The following LRRC7 variants were observed in gnomAD, a reference collection of about 807,000 sequenced individuals.
LRRC7 encodes leucine-rich repeat-containing protein 7.
A neutral mutation model predicts 175.7 loss-of-function variants in LRRC7; 23 were observed. The ratio of observed to expected loss-of-function variants is 0.13; its 90% CI spans 0.09 to 0.19. The LOEUF is 0.19. Among genes scored for constraint, LRRC7 ranks in the 10% least tolerant of loss-of-function variants. The probability of loss-of-function intolerance (pLI) is 1.00; values close to 1 mark genes in which losing one functional copy is unlikely to be tolerated. For missense variants in LRRC7, 1,354 were observed against 1,904.7 expected (o/e 0.71, Z 5.38); for synonymous variants, 685 against 680.9 (o/e 1.01, Z -0.09).
chr1:69,895,309 A>T (rs1645949176), intron 7 of LRRC7, among the ~76,000 whole-genome samples: 1 of 152,184 alleles, frequency 6.6e-6, no homozygotes, highest in African/African-American at 2.4e-5. Context: ...CACACACAAA[A>T]ACCCAGAAAA....
intron 1 of LRRC7, among the ~76,000 whole-genome samples, chr1:69,633,802 G>A (rs949664540): frequency 5.9e-5 from 9 of 152,062 alleles, no homozygotes; most frequent in Non-Finnish European, 8.8e-5. Context: ...TTAATCTAGG[G>A]CCTGCCATGG....
intron 2 of LRRC7, among the ~76,000 whole-genome samples, chr1:69,750,093 T>TAAATAAATAAAA (rs139997047): frequency 1.4e-5 from 2 of 142,202 alleles, no homozygotes; most frequent in Non-Finnish European, 3.0e-5. Flanking sequence ...AATAAATAAA[T>TAAATAAATAAAA]AATAATAACT....
chr1:70,020,877 TTTTC>T (rs953417381), intron 15 of LRRC7, 124 bp from the exon 16 acceptor site: 49 of 648,538 alleles, frequency 7.6e-5, no homozygotes, highest in African/African-American at 4.2e-4. Context: ...CTCTTTCTTT[TTTTC>T]TTTCTTTCTT....
Position 70,011,776 on chromosome 1 carries a change from CTAAT to C in LRRC7, c.1005-20_1005-17del. The C allele has an allele frequency of 6.6e-7, 1 of 1,511,986 alleles. No homozygotes were observed. Among genetic ancestry groups the C allele is most frequent in the Non-Finnish European group, 9.1e-7 (1 of 1,093,546 alleles). The allele number at this position is 1,511,986 out of a possible 1,614,324, so 93.7% of individuals were successfully genotyped here. On this transcript the variant is annotated splice_polypyrimidine_tract_variant and intron_variant, in intron 11 of 26. Coordinates refer to ENST00000651989, the MANE Select transcript of LRRC7 (RefSeq NM_001370785.2). The stretch of plus-strand genomic sequence containing the variant: ...GCTATCTAACTTTTAAAATGTCTAA[CTAAT>C]GTATTTAACTTTTCAGTTTATCTTT...
Position 70,112,924 on chromosome 1 carries a change from A to T in LRRC7, c.4620+5098A>T, listed in dbSNP as rs76604202. 6.8e-3 allele frequency among the ~76,000 whole-genome samples: 1,034 copies of T among 151,030 alleles called. 13 individuals carry two copies. The highest frequency in any genetic ancestry group is 0.024 in the African/African-American group (980 of 41,044). Reference sequence around the variant, plus strand: ...AAAGGAGAGAATATTGGAGAGGAAGACCCCAGACTCGTGTGTTAGAGTCAT... The same window carrying T: ...AAAGGAGAGAATATTGGAGAGGAAGTCCCCAGACTCGTGTGTTAGAGTCAT... On this transcript the variant is annotated intron_variant, in intron 26 of 26. Transcript: ENST00000651989.
At chr1:69,695,016 A>AT (rs1417422614) in intron 2 of LRRC7, among the ~76,000 whole-genome samples, 3 of 152,212 alleles carry the variant, frequency 2.0e-5, no homozygotes, top group Admixed American at 6.5e-5. Context: ...GAACTGGATA[A>AT]TAGGCAGAGG....
At chr1:69,615,887 C>G (rs1649527668) in intron 1 of LRRC7, among the ~76,000 whole-genome samples, 1 of 151,966 alleles carries the variant, frequency 6.6e-6, no homozygotes, top group African/African-American at 2.4e-5. Context: ...CTTCCTATGG[C>G]TAAACCCCCC....
At chr1:69,649,409 G>A (rs532068860) in intron 1 of LRRC7, among the ~76,000 whole-genome samples, 5 of 152,276 alleles carry the variant, frequency 3.3e-5, no homozygotes, top group Non-Finnish European at 7.4e-5. Flanking sequence ...AAGATTTTAA[G>A]CAGACCTACA....
intron 10 of LRRC7, among the ~76,000 whole-genome samples, chr1:69,987,835 C>T (rs1654079043): frequency 6.6e-6 from 1 of 152,076 alleles, no homozygotes; most frequent in Non-Finnish European, 1.5e-5. Flanking sequence ...TTTACAAAAT[C>T]CCATATTTTA....
At chr1:69,850,455 A>G (rs1682851174) in intron 7 of LRRC7, among the ~76,000 whole-genome samples, 1 of 152,082 alleles carries the variant, frequency 6.6e-6, no homozygotes, top group South Asian at 2.1e-4. Flanking sequence ...TTTACAATGA[A>G]CAGTCTGACT....
chr1:70,061,181 A>G (rs1661551459), intron 23 of LRRC7, among the ~76,000 whole-genome samples: 1 of 152,138 alleles, frequency 6.6e-6, no homozygotes, highest in South Asian at 2.1e-4. Context: ...CGAGAGTAGC[A>G]AAGTTTTCAC....
chr1:70,106,962 GT>G (rs1665188216), intron 25 of LRRC7, among the ~76,000 whole-genome samples: 7 of 152,142 alleles, frequency 4.6e-5, no homozygotes, highest in Admixed American at 4.6e-4. Flanking sequence ...TTGTCACAAT[GT>G]TTATAATTAT....
At chr1:69,782,811 C>T (rs1673921315) in intron 3 of LRRC7, among the ~76,000 whole-genome samples, 1 of 152,162 alleles carries the variant, frequency 6.6e-6, no homozygotes, top group African/African-American at 2.4e-5. Context: ...ACCTAGCCAA[C>T]AGATCCATGC....
intron 3 of LRRC7, among the ~76,000 whole-genome samples, chr1:69,782,155 T>C (rs1673836793): frequency 6.6e-6 from 1 of 152,180 alleles, no homozygotes; most frequent in South Asian, 2.1e-4. Flanking sequence ...TGTAGTTTAA[T>C]CACTTGCACC....
In LRRC7 at chr1:69,952,452, C is replaced by T. The variant is rs923111032; in HGVS notation, c.711+20882C>T. Among the ~76,000 whole-genome samples the T allele has an allele frequency of 3.3e-5, 5 of 151,894 alleles. No homozygotes were observed. The East Asian group carries it at 9.6e-4, about 29-fold the overall frequency. On this transcript the variant is annotated intron_variant, in intron 8 of 26. Transcript: ENST00000651989. ...AGCCACACTGTTGAATTTGTAAAGCCAGATCGTTAACTCTGAAAAAAAAGT... is the reference window on the plus strand; with the variant it reads ...AGCCACACTGTTGAATTTGTAAAGCTAGATCGTTAACTCTGAAAAAAAAGT...
intron 1 of LRRC7, among the ~76,000 whole-genome samples, chr1:69,620,834 G>A (rs1479615069): frequency 6.6e-6 from 1 of 152,034 alleles, no homozygotes; most frequent in Non-Finnish European, 1.5e-5. Flanking sequence ...ACCATGAGTT[G>A]GCCTTGACAA....
At chr1:69,753,993 A>C (rs1670131489) in intron 2 of LRRC7, among the ~76,000 whole-genome samples, 1 of 152,090 alleles carries the variant, frequency 6.6e-6, no homozygotes, top group Non-Finnish European at 1.5e-5. Flanking sequence ...AGGAGAGGTC[A>C]TATAATCTTA....
intron 1 of LRRC7, among the ~76,000 whole-genome samples, chr1:69,610,329 AAGAATAT>A (rs1277197338): frequency 6.6e-6 from 1 of 152,030 alleles, no homozygotes; most frequent in Non-Finnish European, 1.5e-5. Flanking sequence ...TTTCTTTGGC[AAGAATAT>A]TTTATCTATG....
intron 7 of LRRC7, among the ~76,000 whole-genome samples, chr1:69,841,824 CCTTGA>C (rs1392795484): frequency 6.6e-6 from 1 of 152,074 alleles, no homozygotes; most frequent in Non-Finnish European, 1.5e-5. Context: ...TGTCATGTGA[CCTTGA>C]CATTTTGCAT....
Sources: gnomAD v4.1 joint callset for allele counts (sites outside exome capture counted in the v4.1 genomes callset) on GRCh38, gnomAD v4.1.1 for gene constraint, MANE v1.5 for transcripts, NCBI Gene and HGNC (gene_info 2026-07-23, HGNC 2026-07-21) for gene names.